The following CAMKMT variants were observed in gnomAD, a reference collection of about 807,000 sequenced individuals.
The protein encoded by CAMKMT is calmodulin-lysine N-methyltransferase, also known as CaM KMT.
A neutral mutation model predicts 48.0 loss-of-function variants in CAMKMT; 53 were observed. That is an observed-to-expected ratio of 1.10 (90% CI 0.89 to 1.39). CAMKMT has a LOEUF of 1.39. Ranked by LOEUF, CAMKMT falls within the 40% of genes most tolerant of loss-of-function variation. The pLI, the probability that CAMKMT is intolerant of heterozygous loss-of-function variation, is 0.00. For missense variants in CAMKMT, 428 were observed against 402.7 expected, an observed-to-expected ratio of 1.06 and a Z score of -0.54; for synonymous variants, 165 against 152.3, an observed-to-expected ratio of 1.08 and a Z score of -0.61.
chr2:44,664,763 T>C (rs1573022750), intron 3 of CAMKMT, among the ~76,000 whole-genome samples: 1 of 152,148 alleles, frequency 6.6e-6, no homozygotes, highest in East Asian at 1.9e-4. Context: ...TAAGAAGAGG[T>C]GACATTGGAA....
intron 3 of CAMKMT, among the ~76,000 whole-genome samples, chr2:44,610,274 A>G (rs933374676): frequency 6.6e-6 from 1 of 152,220 alleles, no homozygotes; most frequent in African/African-American, 2.4e-5. Context: ...AGAGAAAGGC[A>G]TATAGGGTTA....
At chr2:44,629,382 A>AT (rs1299887814) in intron 3 of CAMKMT, among the ~76,000 whole-genome samples, 1 of 146,690 alleles carries the variant, frequency 6.8e-6, no homozygotes, top group East Asian at 2.0e-4. Context: ...CTTACTGTTC[A>AT]TTTATGTTTT....
intron 3 of CAMKMT, among the ~76,000 whole-genome samples, chr2:44,503,896 C>T (rs1196980487): frequency 6.6e-6 from 1 of 151,296 alleles, no homozygotes; most frequent in Non-Finnish European, 1.5e-5. Flanking sequence ...CTGTCTTATC[C>T]TTATGTTCTT....
intron 3 of CAMKMT, among the ~76,000 whole-genome samples, chr2:44,475,111 T>A (rs1338408275): frequency 6.6e-6 from 1 of 152,208 alleles, no homozygotes; most frequent in Non-Finnish European, 1.5e-5. Context: ...TAGTTTAATA[T>A]CCATGTTCCA....
chr2:44,633,960 G>A (rs950304170), intron 3 of CAMKMT, among the ~76,000 whole-genome samples: 6 of 152,070 alleles, frequency 3.9e-5, no homozygotes, highest in Non-Finnish European at 5.9e-5. Context: ...GCTTTTGGAG[G>A]ACATGTCTAG....
intron 3 of CAMKMT, among the ~76,000 whole-genome samples, chr2:44,477,000 C>G (rs978434456): frequency 3.9e-5 from 6 of 151,994 alleles, no homozygotes; most frequent in African/African-American, 1.5e-4. Flanking sequence ...AATGGTAGTT[C>G]TGGGTTATAG....
intron 3 of CAMKMT, among the ~76,000 whole-genome samples, chr2:44,564,199 G>A (rs745797019): frequency 2.7e-5 from 4 of 145,544 alleles, no homozygotes; most frequent in Non-Finnish European, 3.0e-5. Flanking sequence ...TTTTTGAGAC[G>A]GAATCTCACT....
chr2:44,566,000 T>A (rs902634375), intron 3 of CAMKMT, among the ~76,000 whole-genome samples: 5 of 152,196 alleles, frequency 3.3e-5, no homozygotes, highest in African/African-American at 7.2e-5. Flanking sequence ...TGGGGTAAAT[T>A]AGATGGCGCT....
At chr2:44,667,375 G>A (rs1675054832) in intron 3 of CAMKMT, among the ~76,000 whole-genome samples, 1 of 152,150 alleles carries the variant, frequency 6.6e-6, no homozygotes, top group Non-Finnish European at 1.5e-5. Flanking sequence ...CTCAGCAGCT[G>A]AAGAGGTTTC....
At chr2:44,499,065 G>A (rs1036924004) in intron 3 of CAMKMT, among the ~76,000 whole-genome samples, 1 of 152,148 alleles carries the variant, frequency 6.6e-6, no homozygotes, top group Admixed American at 6.5e-5. Context: ...CTTAAGACGA[G>A]TTGCAATTCT....
chr2:44,615,118 G>T (rs184811505), intron 3 of CAMKMT, among the ~76,000 whole-genome samples: 3 of 151,508 alleles, frequency 2.0e-5, no homozygotes, highest in African/African-American at 4.8e-5. Flanking sequence ...TAGAGATAGG[G>T]TCTTGCTATG....
At chr2:44,433,965 G>T (rs1684799354) in intron 3 of CAMKMT, among the ~76,000 whole-genome samples, 1 of 152,150 alleles carries the variant, frequency 6.6e-6, no homozygotes, top group Non-Finnish European at 1.5e-5. Flanking sequence ...TAAACAAATG[G>T]AGTAGGTGAG....
intron 3 of CAMKMT, among the ~76,000 whole-genome samples, chr2:44,559,479 TTCATGACAACTC>T (rs1335635145): frequency 6.6e-6 from 1 of 152,216 alleles, no homozygotes; most frequent in East Asian, 1.9e-4. Context: ...CTTCAAGTAT[TTCATGACAACTC>T]TCATGGCTTT....
intron 7 of CAMKMT, among the ~76,000 whole-genome samples, chr2:44,719,530 A>T (rs939734758): frequency 7.9e-5 from 12 of 152,208 alleles, no homozygotes; most frequent in Non-Finnish European, 1.6e-4. Flanking sequence ...GAAGGCAAGA[A>T]TTCTGCTTAA....
At chr2:44,426,257 A>G (rs1317123724) in intron 3 of CAMKMT, among the ~76,000 whole-genome samples, 2 of 152,256 alleles carry the variant, frequency 1.3e-5, no homozygotes, top group African/African-American at 4.8e-5. Context: ...AGTTTCAAGC[A>G]TTCTGCCTAA....
intron 9 of CAMKMT, among the ~76,000 whole-genome samples, chr2:44,755,925 G>T (rs969950495): frequency 6.6e-6 from 1 of 152,180 alleles, no homozygotes; most frequent in African/African-American, 2.4e-5. Context: ...CTAACCTGTA[G>T]CATTAGAATG....
At chr2:44,481,023 A>G (rs1668941535) in intron 3 of CAMKMT, among the ~76,000 whole-genome samples, 1 of 151,970 alleles carries the variant, frequency 6.6e-6, no homozygotes, top group Non-Finnish European at 1.5e-5. Flanking sequence ...GTGTGTATGT[A>G]TATATGAATA....
chr2:44,647,449 T>C (rs907419681), intron 3 of CAMKMT, among the ~76,000 whole-genome samples: 2 of 152,198 alleles, frequency 1.3e-5, no homozygotes, highest in Non-Finnish European at 1.5e-5. Context: ...GTGATGTGAT[T>C]GGTCACTGAT....
chr2:44,363,749 G>A (rs1281855836), intron 1 of CAMKMT, among the ~76,000 whole-genome samples: 1 of 148,862 alleles, frequency 6.7e-6, no homozygotes, highest in Admixed American at 6.7e-5. Context: ...GAGTGCAATG[G>A]CGCAATCTCG....
Sources: allele counts gnomAD v4.1 joint callset (sites outside exome capture counted in the v4.1 genomes callset), GRCh38; gene constraint gnomAD v4.1.1; transcripts MANE v1.5; gene names NCBI Gene and HGNC (gene_info 2026-07-23, HGNC 2026-07-21).